Variants in UST observed in about 807,000 individuals in gnomAD.
The protein encoded by UST is chondroitin sulfate 2-O-sulfotransferase.
UST carries 21 observed loss-of-function variants against 45.6 expected under a neutral mutation model. The observed-to-expected ratio is 0.46, with a 90% CI of 0.33 to 0.66. The LOEUF (loss-of-function observed/expected upper bound fraction) is 0.66. UST is among the 30% of genes least tolerant of loss of function. The pLI is 0.02. For missense variants in UST, 463 were observed against 512.4 expected (o/e 0.90, Z 0.93); for synonymous variants, 215 against 200.6 (o/e 1.07, Z -0.61).
At chr6:148,862,206 G>T (rs1170787207) in intron 1 of UST, among the ~76,000 whole-genome samples, 1 of 152,190 alleles carries the variant, frequency 6.6e-6, no homozygotes, top group Non-Finnish European at 1.5e-5. Context: ...ATATATTTAG[G>T]ATAGTTAGCT....
chr6:148,905,258 G>T (rs975764148), intron 2 of UST, among the ~76,000 whole-genome samples: 5 of 152,106 alleles, frequency 3.3e-5, no homozygotes, highest in Non-Finnish European at 7.4e-5. Flanking sequence ...GACACCCTGC[G>T]AATGAACCCC....
chr6:148,914,500 A>G (rs1779543630), intron 2 of UST, among the ~76,000 whole-genome samples: 1 of 152,154 alleles, frequency 6.6e-6, no homozygotes, highest in Admixed American at 6.5e-5. Context: ...TATCCCTTGC[A>G]TGTGTAGTTC....
At chr6:148,939,368 T>G (rs1780082282) in intron 2 of UST, among the ~76,000 whole-genome samples, 1 of 152,114 alleles carries the variant, frequency 6.6e-6, no homozygotes, top group Admixed American at 6.5e-5. Flanking sequence ...CACATGGAAA[T>G]GCAAAGGACA....
intron 1 of UST, among the ~76,000 whole-genome samples, chr6:148,840,094 A>C (rs779362687): frequency 1.2e-4 from 18 of 152,130 alleles, no homozygotes; most frequent in Non-Finnish European, 1.9e-4. Flanking sequence ...CTAATACAAG[A>C]GGTTTGGTAC....
intron 4 of UST, among the ~76,000 whole-genome samples, chr6:148,961,315 A>G (rs1271452617): frequency 6.6e-6 from 1 of 152,170 alleles, no homozygotes; most frequent in Non-Finnish European, 1.5e-5. Flanking sequence ...ACAAAAGGGT[A>G]TGTTGTTGAA....
At chr6:148,816,948 T>G (rs1219761320) in intron 1 of UST, among the ~76,000 whole-genome samples, 2 of 152,184 alleles carry the variant, frequency 1.3e-5, no homozygotes, top group African/African-American at 4.8e-5. Context: ...GTCATGGCCC[T>G]TAAGGTCTTA....
At chr6:148,899,253 C>A (rs1023838524) in intron 2 of UST, among the ~76,000 whole-genome samples, 1 of 152,086 alleles carries the variant, frequency 6.6e-6, no homozygotes, top group Non-Finnish European at 1.5e-5. Context: ...GCACCCGCCA[C>A]TACGCCCAGC....
At chr6:148,867,646 C>T (rs1778470695) in intron 1 of UST, among the ~76,000 whole-genome samples, 2 of 152,104 alleles carry the variant, frequency 1.3e-5, no homozygotes, top group South Asian at 2.1e-4. Context: ...ACCCCTTTCG[C>T]TTGGCTCTCA....
intron 1 of UST, among the ~76,000 whole-genome samples, chr6:148,874,670 A>AT (rs1195079239): frequency 6.6e-6 from 1 of 152,234 alleles, no homozygotes; most frequent in African/African-American, 2.4e-5. Context: ...GTGGAAAATA[A>AT]TTTTATTAAG....
intron 1 of UST, among the ~76,000 whole-genome samples, chr6:148,777,848 C>G (rs1776565308): frequency 6.6e-6 from 1 of 152,218 alleles, no homozygotes; most frequent in African/African-American, 2.4e-5. Context: ...GCCACCACAC[C>G]TGGCCTAGGT....
In UST at chr6:148,747,476, C is replaced by T; in HGVS notation, c.46C>T (p.Pro16Ser). Residue 16 changes from proline to serine, a missense_variant, in exon 1 of 8, where the codon CCC becomes TCC. Physicochemically the swap from Pro to Ser is moderately conservative, Grantham distance 74. Transcript: ENST00000367463. ...QHPGGGADPW[P>S]HGAPMGGAPP... Reference sequence around the variant, plus strand: ...TCCCGGCGGCGGCGCGGATCCCTGGCCCCATGGGGCCCCTATGGGGGGCGC... The same window carrying T: ...TCCCGGCGGCGGCGCGGATCCCTGGTCCCATGGGGCCCCTATGGGGGGCGC... 6.8e-7 allele frequency: 1 copy of T among 1,477,888 alleles called. No homozygotes were observed. Among genetic ancestry groups the T allele is most frequent in the Non-Finnish European group, 9.0e-7 (1 of 1,113,912 alleles). 91.5% of individuals were successfully genotyped at this position (1,477,888 alleles called of 1,614,324 possible).
chr6:149,071,156 A>G (rs1027742957), intron 7 of UST, among the ~76,000 whole-genome samples: 1 of 151,850 alleles, frequency 6.6e-6, no homozygotes, highest in African/African-American at 2.4e-5. Context: ...TCATTTTTCA[A>G]TTTTTTTTGT....
At chr6:149,064,909 C>T (rs1776710271) in intron 7 of UST, among the ~76,000 whole-genome samples, 1 of 151,988 alleles carries the variant, frequency 6.6e-6, no homozygotes, top group South Asian at 2.1e-4. Context: ...AAAAAAAATA[C>T]CCCACGGGCC....
In UST at chr6:148,748,287, GC is replaced by G. The variant is rs1775916848; in HGVS notation, c.247+611del. Among the ~76,000 whole-genome samples the G allele has an allele frequency of 6.6e-6, 1 of 152,146 alleles. No homozygotes were observed. The highest frequency in any genetic ancestry group is 6.5e-5 in the Admixed American group (1 of 15,284). ...GCTAGCCTGGCGCGGGGAACGGGTT[GC>G]ATCCAGGGGTTTGGGGATGCCCGAG... is the stretch of plus-strand genomic sequence containing the variant. On this transcript the variant is annotated intron_variant, in intron 1 of 7. Transcript: ENST00000367463. The surrounding 1 kb of genome is among the most constrained non-coding windows in gnomAD (Gnocchi z 5.3).
intron 7 of UST, among the ~76,000 whole-genome samples, chr6:149,043,029 C>CTTTCTTTTTCTT (rs1562337843): frequency 2.0e-5 from 2 of 101,762 alleles, no homozygotes; most frequent in Admixed American, 8.7e-5. Context: ...CTTTTTCTTT[C>CTTTCTTTTTCTT]TTTCTTTCTT....
chr6:149,008,877 G>A (rs573530964), intron 5 of UST, among the ~76,000 whole-genome samples: 1 of 152,276 alleles, frequency 6.6e-6, no homozygotes, highest in East Asian at 1.9e-4. Flanking sequence ...CCAGCAGGAT[G>A]GTGCAGCCCA....
intron 5 of UST, among the ~76,000 whole-genome samples, chr6:149,015,688 G>A (rs372104038): frequency 1.2e-4 from 19 of 152,116 alleles, no homozygotes; most frequent in East Asian, 5.8e-4. Flanking sequence ...ATGAAGTTGC[G>A]TAATCATTTA....
At chr6:148,807,402 C>T (rs1315765242) in intron 1 of UST, among the ~76,000 whole-genome samples, 2 of 152,170 alleles carry the variant, frequency 1.3e-5, no homozygotes, top group Admixed American at 1.3e-4. Flanking sequence ...GTTTCAATCC[C>T]AGTTCTCCAT....
chr6:148,884,332 C>T (rs1778875258), intron 1 of UST, among the ~76,000 whole-genome samples: 1 of 152,124 alleles, frequency 6.6e-6, no homozygotes, highest in Admixed American at 6.5e-5. Flanking sequence ...ATGAACAGGT[C>T]ACACAAGTCC....
Sources: gnomAD v4.1 joint callset for allele counts (sites outside exome capture counted in the v4.1 genomes callset) on GRCh38, gnomAD v4.1.1 for gene constraint, Gnocchi (gnomAD v3.1) non-coding constraint, MANE v1.5 for transcripts, NCBI Gene and HGNC (gene_info 2026-07-23, HGNC 2026-07-21) for gene names.